The following CSMD1 variants were observed in gnomAD, a reference collection of about 807,000 sequenced individuals.
CSMD1 encodes the protein CUB and sushi domain-containing protein 1.
In CSMD1, 213 loss-of-function variants were observed where a neutral mutation model predicts 417.5. The observed-to-expected ratio is 0.51, with a 90% CI of 0.46 to 0.57. The LOEUF (loss-of-function observed/expected upper bound fraction) is 0.57, where lower values mean the gene tolerates loss of function less well. Ranked by LOEUF, CSMD1 falls within the 20% of genes least tolerant of loss-of-function variation. The pLI, the probability that CSMD1 is intolerant of heterozygous loss-of-function variation, is 0.00. For missense variants in CSMD1, 6,923 were observed against 4,529.7 expected (o/e 1.53, Z -15.17); for synonymous variants, 2,862 against 1,736.8 (o/e 1.65, Z -16.11).
chr8:4,346,599 A>G (rs909807784), intron 3 of CSMD1, among the ~76,000 whole-genome samples: 1 of 152,178 alleles, frequency 6.6e-6, no homozygotes, highest in South Asian at 2.1e-4. Context: ...TTTCATTTCA[A>G]TCTTCAGCAG....
At chr8:4,249,550 C>G (rs1408894169) in intron 3 of CSMD1, among the ~76,000 whole-genome samples, 1 of 152,160 alleles carries the variant, frequency 6.6e-6, no homozygotes, top group Non-Finnish European at 1.5e-5. Context: ...TCAGGGAGAC[C>G]TGAGGAGCGG....
In CSMD1 at chr8:4,422,467, A is replaced by G. The variant is rs182626923; in HGVS notation, c.303-2402T>C. Among the ~76,000 whole-genome samples, 520 of 152,222 alleles carry G rather than the reference A, an allele frequency of 3.4e-3. 1 individual carries two copies. Among genetic ancestry groups the G allele is most frequent in the African/African-American group, 0.012 (495 of 41,552 alleles). Reference sequence around the variant, plus strand: ...CCCATAGGGTAAGCATACGGTAAAAATAAGAAAAGAGAAGGATTCCTTTCT... The same window carrying G: ...CCCATAGGGTAAGCATACGGTAAAAGTAAGAAAAGAGAAGGATTCCTTTCT... On this transcript the variant is annotated intron_variant, in intron 2 of 69. Coordinates refer to ENST00000635120, the MANE Select transcript of CSMD1 (RefSeq NM_033225.6).
chr8:2,994,551 G>A (rs890010186), intron 54 of CSMD1, among the ~76,000 whole-genome samples: 16 of 152,128 alleles, frequency 1.1e-4, no homozygotes, highest in African/African-American at 3.1e-4. Flanking sequence ...AGAGGAAAAC[G>A]GATGCTTTTT....
At chr8:3,149,924 C>G (rs975123297) in intron 40 of CSMD1, among the ~76,000 whole-genome samples, 6 of 152,186 alleles carry the variant, frequency 3.9e-5, no homozygotes, top group Admixed American at 6.5e-5. Flanking sequence ...ATTTGACCAA[C>G]AAGGCTCCGG....
At chr8:4,210,742 A>C (rs769213659) in intron 3 of CSMD1, among the ~76,000 whole-genome samples, 9 of 152,220 alleles carry the variant, frequency 5.9e-5, no homozygotes, top group Non-Finnish European at 1.2e-4. Flanking sequence ...AAAATCTTCA[A>C]CATACTGAAA....
At chr8:4,214,350 T>C (rs760274580) in intron 3 of CSMD1, among the ~76,000 whole-genome samples, 3 of 152,190 alleles carry the variant, frequency 2.0e-5, no homozygotes, top group Non-Finnish European at 4.4e-5. Flanking sequence ...GAGGCTGGAG[T>C]GCAGTGGTGC....
At chr8:3,923,297 CCA>C (rs1809408023) in intron 5 of CSMD1, among the ~76,000 whole-genome samples, 1 of 152,090 alleles carries the variant, frequency 6.6e-6, no homozygotes, top group East Asian at 1.9e-4. Context: ...TGTCCCTTCC[CCA>C]TTTGGGGAGT....
intron 3 of CSMD1, among the ~76,000 whole-genome samples, chr8:4,090,702 T>C (rs1024115276): frequency 1.3e-5 from 2 of 152,244 alleles, no homozygotes; most frequent in Non-Finnish European, 2.9e-5. Context: ...TAGTAGGTTC[T>C]AGTGGAGTTT....
chr8:4,832,859 G>A (rs563193376), intron 1 of CSMD1, among the ~76,000 whole-genome samples: 1 of 152,094 alleles, frequency 6.6e-6, no homozygotes, highest in African/African-American at 2.4e-5. Flanking sequence ...ATGTGTGTGA[G>A]GGCGTATGAG....
At chr8:3,381,122 G>C (rs1585080165) in intron 18 of CSMD1, among the ~76,000 whole-genome samples, 1 of 152,096 alleles carries the variant, frequency 6.6e-6, no homozygotes, top group Non-Finnish European at 1.5e-5. Context: ...TTCAATGACT[G>C]TGCTATGATG....
chr8:4,993,037 A>T (rs1811559751), intron 1 of CSMD1, among the ~76,000 whole-genome samples: 1 of 152,228 alleles, frequency 6.6e-6, no homozygotes, highest in African/African-American at 2.4e-5. Flanking sequence ...CCCGCTCTCC[A>T]GGCAGATCTG....
chr8:4,072,348 A>C (rs902867493), intron 3 of CSMD1, among the ~76,000 whole-genome samples: 21 of 152,176 alleles, frequency 1.4e-4, no homozygotes, highest in Admixed American at 3.9e-4. Flanking sequence ...CAAACGTACA[A>C]ATACTAGTTT....
intron 3 of CSMD1, among the ~76,000 whole-genome samples, chr8:4,366,389 A>T (rs541643348): frequency 5.8e-4 from 88 of 152,300 alleles, no homozygotes; most frequent in African/African-American, 2.1e-3. Context: ...TGCAATGAAC[A>T]TATGCATGCA....
At chr8:3,495,376 T>C (rs1796321176) in intron 10 of CSMD1, among the ~76,000 whole-genome samples, 1 of 152,168 alleles carries the variant, frequency 6.6e-6, no homozygotes, top group Non-Finnish European at 1.5e-5. Flanking sequence ...TTAAGGTTTG[T>C]GTGTCATGTT....
Position 4,445,414 on chromosome 8 carries a change from T to C in CSMD1, c.303-25349A>G, listed in dbSNP as rs1044673576. Among the ~76,000 whole-genome samples the C allele has an allele frequency of 3.3e-5, 5 of 152,368 alleles. No individual in the cohort carries two copies. The South Asian group carries it at 1.0e-3, about 32-fold the overall frequency. ...CTATGCTTTTGGATTATTCTAATAC[T>C]ATTTCTTACTGTACCAAATCGTCTT... On this transcript the variant is annotated intron_variant, in intron 2 of 69. Coordinates refer to ENST00000635120, the MANE Select transcript of CSMD1 (RefSeq NM_033225.6).
chr8:4,033,335 G>T (rs1021567692), intron 3 of CSMD1, among the ~76,000 whole-genome samples: 1 of 152,054 alleles, frequency 6.6e-6, no homozygotes, highest in African/African-American at 2.4e-5. Flanking sequence ...CCAGCTACTT[G>T]GGAGGCTGAG....
intron 2 of CSMD1, among the ~76,000 whole-genome samples, chr8:4,531,295 C>T (rs555766537): frequency 6.6e-6 from 1 of 152,218 alleles, no homozygotes; most frequent in East Asian, 1.9e-4. Context: ...AATAACTAAA[C>T]CCGATGTGCC....
At chr8:3,869,486 G>C (rs1483322923) in intron 5 of CSMD1, among the ~76,000 whole-genome samples, 2 of 152,060 alleles carry the variant, frequency 1.3e-5, no homozygotes, top group Non-Finnish European at 2.9e-5. Context: ...CCCCTAAATG[G>C]CTAGTGAGGC....
chr8:3,647,357 T>A (rs1797626855), intron 7 of CSMD1, among the ~76,000 whole-genome samples: 1 of 144,210 alleles, frequency 6.9e-6, no homozygotes, highest in Non-Finnish European at 1.5e-5. Context: ...GAGAGAAATA[T>A]CACGTAAAGT....
Sources: allele counts gnomAD v4.1 joint callset (sites outside exome capture counted in the v4.1 genomes callset), GRCh38; gene constraint gnomAD v4.1.1; transcripts MANE v1.5; gene names NCBI Gene and HGNC (gene_info 2026-07-23, HGNC 2026-07-21).